Variants in ZCCHC24 observed in about 807,000 individuals in gnomAD.
ZCCHC24 encodes the protein zinc finger CCHC-type containing 24.
A neutral mutation model predicts 26.2 loss-of-function variants in ZCCHC24; 10 were observed. That is an observed-to-expected ratio of 0.38 (90% confidence interval 0.24 to 0.65). The LOEUF (loss-of-function observed/expected upper bound fraction) is 0.65. ZCCHC24 is among the 30% of genes least tolerant of loss of function. ZCCHC24 has a pLI of 0.54. For missense variants in ZCCHC24, 243 were observed against 329.1 expected, an observed-to-expected ratio of 0.74 and a Z score of 2.03; for synonymous variants, 144 against 147.1, an observed-to-expected ratio of 0.98 and a Z score of 0.15.
chr10:79,391,165 C>T (rs75130205), intron 3 of ZCCHC24, among the ~76,000 whole-genome samples: 50 of 152,160 alleles, frequency 3.3e-4, no homozygotes, highest in African/African-American at 1.1e-3. Context: ...TCAACAGTGG[C>T]CTAATGACTG....
chr10:79,413,576 A>C (rs1013720491), intron 2 of ZCCHC24, among the ~76,000 whole-genome samples: 2 of 152,176 alleles, frequency 1.3e-5, no homozygotes, highest in African/African-American at 4.8e-5. Context: ...CCTGAAAGTC[A>C]GCTATAGAAA....
intron 1 of ZCCHC24, among the ~76,000 whole-genome samples, chr10:79,437,547 T>C (rs2132223063): frequency 6.6e-6 from 1 of 152,328 alleles, no homozygotes; most frequent in South Asian, 2.1e-4. Context: ...CCCTGTTATA[T>C]TTCAGCCTCT....
At chr10:79,411,545 G>A (rs949852096) in intron 2 of ZCCHC24, among the ~76,000 whole-genome samples, 1 of 152,204 alleles carries the variant, frequency 6.6e-6, no homozygotes, top group Non-Finnish European at 1.5e-5. Flanking sequence ...AGATTCTAGA[G>A]GGAAAGGTGG....
intron 2 of ZCCHC24, among the ~76,000 whole-genome samples, chr10:79,410,047 C>T (rs1266188282): frequency 2.0e-5 from 3 of 152,362 alleles, no homozygotes; most frequent in Non-Finnish European, 4.4e-5. Context: ...CATTCTGGCC[C>T]TCTTGCTCTT....
chr10:79,405,438 G>C (rs116304454), intron 2 of ZCCHC24, among the ~76,000 whole-genome samples: 46 of 152,336 alleles, frequency 3.0e-4, no homozygotes, highest in African/African-American at 1.0e-3. Context: ...CAGAAGTTAG[G>C]GCAGGGTGGA....
At chr10:79,422,366 G>A (rs951239786) in intron 2 of ZCCHC24, among the ~76,000 whole-genome samples, 15 of 152,130 alleles carry the variant, frequency 9.9e-5, no homozygotes, top group African/African-American at 2.7e-4. Flanking sequence ...TGGGGGCCTC[G>A]GCCCTGCCTG....
chr10:79,398,141 C>T (rs573484069), intron 2 of ZCCHC24, among the ~76,000 whole-genome samples: 8 of 152,222 alleles, frequency 5.3e-5, no homozygotes, highest in Non-Finnish European at 1.0e-4. Context: ...ACCATTCCCA[C>T]GGCTGCTGTC....
intron 1 of ZCCHC24, among the ~76,000 whole-genome samples, chr10:79,434,256 CTG>C (rs1857184633): frequency 6.6e-6 from 1 of 152,224 alleles, no homozygotes; most frequent in South Asian, 2.1e-4. Flanking sequence ...GTCCAACTGA[CTG>C]TAACTTCTGT....
rs1554840773 is a variant in ZCCHC24, at chr10:79,404,043, A to AG, written c.448-9604dup. Among the ~76,000 whole-genome samples the AG allele has an allele frequency of 2.0e-5, 3 of 151,988 alleles. No individual in the cohort carries two copies. In the South Asian group the frequency reaches 6.2e-4, roughly 32 times the overall value. Reference sequence around the variant, plus strand: ...GCCCGTCAGAGCAGATAAGAGGAGAAGGGGGGACAGGGTGCCCAGGAGAGG... The same window carrying AG: ...GCCCGTCAGAGCAGATAAGAGGAGAAGGGGGGGACAGGGTGCCCAGGAGAGG... On this transcript the variant is annotated intron_variant, in intron 2 of 3. Transcript: ENST00000372336.
rs568548227 is a variant in ZCCHC24 at position 79,408,244 on chromosome 10, C to T, written c.448-13804G>A. Among the ~76,000 whole-genome samples the T allele has an allele frequency of 1.8e-4, 28 of 152,322 alleles. No homozygotes were observed. In the South Asian group the frequency reaches 5.8e-3, roughly 32 times the overall value. ...GAAGCCAGTTGACCCCAGCTTAGCT[C>T]CCTGCTCTGCCTGCACGACTCCTGG... On this transcript the variant is annotated intron_variant, in intron 2 of 3. Coordinates refer to ENST00000372336, the MANE Select transcript of ZCCHC24 (RefSeq NM_153367.4).
chr10:79,399,766 G>A (rs1856605984), intron 2 of ZCCHC24, among the ~76,000 whole-genome samples: 1 of 152,246 alleles, frequency 6.6e-6, no homozygotes, highest in South Asian at 2.1e-4. Context: ...GCGGGGAAGT[G>A]GGAGGGGCCC....
rs1316035771 is a variant in ZCCHC24 at position 79,445,309 on chromosome 10, C to T, written c.132G>A (p.Pro44=). 6.0e-6 allele frequency: 9 copies of T among 1,495,944 alleles called. No individual in the cohort carries two copies. The highest frequency in any genetic ancestry group is 8.0e-6 in the Non-Finnish European group (9 of 1,122,344). 92.7% of individuals were successfully genotyped at this position (1,495,944 alleles called of 1,614,324 possible). Residue 44 remains proline (P), a synonymous_variant, in exon 1 of 4, where the codon CCG becomes CCA. Transcript: ENST00000372336. ...ASAFDAFRPE[P]TAGAAPPELA... ...GCTCCGGGGGTGCGGCGCCGGCGGTCGGCTCGGGCCGGAAGGCATCGAAGG... is the reference window on the plus strand; with the variant it reads ...GCTCCGGGGGTGCGGCGCCGGCGGTTGGCTCGGGCCGGAAGGCATCGAAGG...
chr10:79,443,961 G>T, intron 1 of ZCCHC24: 2 of 1,178,778 alleles, frequency 1.7e-6, no homozygotes, highest in Non-Finnish European at 2.3e-6. Flanking sequence ...CATTTTATAT[G>T]TCCATGCCTC....
chr10:79,439,382 A>G (rs891393400), intron 1 of ZCCHC24, among the ~76,000 whole-genome samples: 1 of 152,180 alleles, frequency 6.6e-6, no homozygotes, highest in South Asian at 2.1e-4. Flanking sequence ...AAAGGTGAAG[A>G]GGCTCAGGAG....
intron 3 of ZCCHC24, among the ~76,000 whole-genome samples, chr10:79,389,020 G>A (rs1333049013): frequency 6.6e-6 from 1 of 152,198 alleles, no homozygotes; most frequent in East Asian, 1.9e-4. Flanking sequence ...CACTGTATTG[G>A]GGCTCAGGGC....
At chr10:79,424,689 C>T (rs1305019488) in intron 2 of ZCCHC24, among the ~76,000 whole-genome samples, 1 of 152,216 alleles carries the variant, frequency 6.6e-6, no homozygotes, top group East Asian at 1.9e-4. Context: ...CCCTGGCCTC[C>T]AGATAAAGTC....
chr10:79,413,779 TGAGAGAGAGA>T (rs35633486), intron 2 of ZCCHC24, among the ~76,000 whole-genome samples: 1 of 146,672 alleles, frequency 6.8e-6, no homozygotes, highest in Non-Finnish European at 1.5e-5. Context: ...TGTGTGTGTG[TGAGAGAGAGA>T]GAGAGAGAGA....
intron 2 of ZCCHC24, among the ~76,000 whole-genome samples, chr10:79,405,451 T>C (rs964595817): frequency 1.3e-5 from 2 of 151,728 alleles, no homozygotes; most frequent in Admixed American, 1.3e-4. Flanking sequence ...AGGGTGGAGG[T>C]CGCACAGGTA....
chr10:79,384,926 C>A lies in ZCCHC24; in HGVS notation c.*1419G>T, dbSNP rs753799803. On this transcript the variant is annotated 3_prime_UTR_variant, in exon 4 of 4. Coordinates refer to ENST00000372336, the MANE Select transcript of ZCCHC24 (RefSeq NM_153367.4). ...GACCATGGAAACGGGGCTTCTCATC[C>A]GGGAGACAGAGGAGCGCACGATCCC... The A allele has an allele frequency of 5.9e-5, 9 of 152,370 alleles. No homozygotes were observed. The highest frequency in any genetic ancestry group is 1.7e-4 in the African/African-American group (7 of 41,510). 9.4% of individuals were successfully genotyped at this position (152,370 alleles called of 1,614,324 possible).
Sources: allele counts gnomAD v4.1 joint callset (sites outside exome capture counted in the v4.1 genomes callset), GRCh38; gene constraint gnomAD v4.1.1; transcripts MANE v1.5; gene names NCBI Gene and HGNC (gene_info 2026-07-23, HGNC 2026-07-21).